The following PAX5 variants were observed in gnomAD, a reference collection of about 807,000 sequenced individuals.
PAX5 encodes paired box protein Pax-5.
A neutral mutation model predicts 43.7 loss-of-function variants in PAX5; 9 were observed. The observed-to-expected ratio is 0.21, with a 90% CI of 0.12 to 0.36. PAX5 has a LOEUF of 0.36. Ranked by LOEUF, PAX5 falls within the 10% of genes least tolerant of loss-of-function variation. The pLI, the probability that PAX5 is intolerant of heterozygous loss-of-function variation, is 1.00. For missense variants in PAX5, 383 were observed against 532.7 expected (o/e 0.72, Z 2.77); for synonymous variants, 228 against 214.3 (o/e 1.06, Z -0.56).
At chr9:36,901,808 C>T (rs1418879888) in intron 7 of PAX5, among the ~76,000 whole-genome samples, 3 of 152,138 alleles carry the variant, frequency 2.0e-5, no homozygotes, top group Non-Finnish European at 2.9e-5. Context: ...TTCTGTAAAA[C>T]GAGGGTCAAG....
At chr9:37,000,247 CT>C (rs1837733449) in intron 5 of PAX5, among the ~76,000 whole-genome samples, 1 of 152,194 alleles carries the variant, frequency 6.6e-6, no homozygotes. Flanking sequence ...CTGCCCACCC[CT>C]GGGATCAAAC....
At chr9:37,021,801 C>T (rs1839879593) in intron 1 of PAX5, among the ~76,000 whole-genome samples, 1 of 152,216 alleles carries the variant, frequency 6.6e-6, no homozygotes, top group Non-Finnish European at 1.5e-5. Context: ...GTTAATTAGT[C>T]ACTCACTGAC....
intron 8 of PAX5, among the ~76,000 whole-genome samples, chr9:36,878,886 G>A (rs1021005819): frequency 1.3e-5 from 2 of 152,224 alleles, no homozygotes; most frequent in Non-Finnish European, 2.9e-5. Flanking sequence ...GCCAGGCATG[G>A]CACTGAATAA....
At chr9:36,986,103 G>A (rs1836384701) in intron 5 of PAX5, among the ~76,000 whole-genome samples, 1 of 151,888 alleles carries the variant, frequency 6.6e-6, no homozygotes, top group Non-Finnish European at 1.5e-5. Flanking sequence ...CCTCGCCCCG[G>A]CGCGCATCAT....
chr9:36,901,938 C>T lies in PAX5; in HGVS notation c.911-19833G>A, dbSNP rs61691437. 3.6e-4 allele frequency among the ~76,000 whole-genome samples: 55 copies of T among 152,290 alleles called. 1 individual carries two copies. The East Asian group carries it at 0.01, about 29-fold the overall frequency. ...AGAAGGCATTAGCATACTTTCAGGGCTTGTCTCACCAAACAATTTCCTTGC... is the reference window on the plus strand; with the variant it reads ...AGAAGGCATTAGCATACTTTCAGGGTTTGTCTCACCAAACAATTTCCTTGC... On this transcript the variant is annotated intron_variant, in intron 7 of 9. Coordinates refer to ENST00000358127, the MANE Select transcript of PAX5 (RefSeq NM_016734.3).
chr9:36,896,891 C>G (rs1827915159), intron 7 of PAX5, among the ~76,000 whole-genome samples: 1 of 152,232 alleles, frequency 6.6e-6, no homozygotes, highest in South Asian at 2.1e-4. Flanking sequence ...TTCAATTTGT[C>G]CATAGATGGG....
chr9:36,910,965 T>G (rs974807571), intron 7 of PAX5, among the ~76,000 whole-genome samples: 1 of 152,194 alleles, frequency 6.6e-6, no homozygotes, highest in Non-Finnish European at 1.5e-5. Flanking sequence ...CATTTGTACA[T>G]TTAAAAGGCT....
chr9:36,955,803 ACCC>A (rs113088511), intron 6 of PAX5, among the ~76,000 whole-genome samples: 3 of 119,064 alleles, frequency 2.5e-5, no homozygotes, highest in African/African-American at 1.0e-4. Flanking sequence ...ATATATATAT[ACCC>A]ACACACACAT....
intron 6 of PAX5, among the ~76,000 whole-genome samples, chr9:36,966,198 G>A (rs1834415244): frequency 6.6e-6 from 1 of 152,178 alleles, no homozygotes; most frequent in Admixed American, 6.5e-5. Flanking sequence ...CCATCACCCT[G>A]ACTGACAAGA....
At position 36,966,557 on chromosome 9, in the gene PAX5, G is replaced by T. The variant is rs1288922202; in HGVS notation, c.772C>A (p.Pro258Thr). Reference protein sequence around the residue: ...DIFTTTEPIKPEQTTEYSAMA... With the variant: ...DIFTTTEPIKTEQTTEYSAMA... Reference sequence around the variant, plus strand: ...TGCATCACGAGGCGTACCTGCTCGGGCTTGATGGGCTCTGTGGTGGTGAAG... The same window carrying T: ...TGCATCACGAGGCGTACCTGCTCGGTCTTGATGGGCTCTGTGGTGGTGAAG... The change falls in exon 6 of 10, where the codon CCC becomes ACC. Residue 258 changes from proline (P) to threonine (T), a missense_variant. By Grantham distance (38) the Pro-to-Thr change is conservative. This residue lies in a region of PAX5 where 291 missense variants were observed against 342.5 expected (regional missense o/e 0.85). Transcript: ENST00000358127. 1 of 1,613,946 alleles carries T rather than the reference G, an allele frequency of 6.2e-7. No individual in the cohort carries two copies. Among genetic ancestry groups the T allele is most frequent in the Admixed American group, 1.7e-5 (1 of 60,016 alleles).
At position 36,962,646 on chromosome 9, in the gene PAX5, G is replaced by A. The variant is rs142668317; in HGVS notation, c.780+3903C>T. Among the ~76,000 whole-genome samples, 3 of 152,248 alleles carry A rather than the reference G, an allele frequency of 2.0e-5. No individual in the cohort carries two copies. The East Asian group carries it at 5.8e-4, about 29-fold the overall frequency. On this transcript the variant is annotated intron_variant, in intron 6 of 9. Transcript: ENST00000358127. ...TCATGATCACTTCTACCACAGATAT[G>A]GAAACTGAGGCCCAGAAAAATAGTG...
chr9:36,942,477 G>A (rs977735222), intron 6 of PAX5, among the ~76,000 whole-genome samples: 8 of 152,216 alleles, frequency 5.3e-5, no homozygotes, highest in African/African-American at 1.9e-4. Context: ...TGTGAAAGCA[G>A]TCAGGTAATT....
Position 36,943,255 on chromosome 9 carries a change from G to A in PAX5, c.781-19771C>T, listed in dbSNP as rs547156066. ...TGGGTGCAGGCCAAGGGGGAGCCCA[G>A]GCAAAGATGGGGAGTCTGGCATCCC... On this transcript the variant is annotated intron_variant, in intron 6 of 9. Coordinates refer to ENST00000358127, the MANE Select transcript of PAX5 (RefSeq NM_016734.3). Among the ~76,000 whole-genome samples, 12 of 152,298 alleles carry A rather than the reference G, an allele frequency of 7.9e-5. No individual in the cohort carries two copies. The East Asian group carries it at 2.3e-3, about 29-fold the overall frequency.
intron 7 of PAX5, among the ~76,000 whole-genome samples, chr9:36,891,442 G>A (rs1329069468): frequency 3.3e-5 from 5 of 152,232 alleles, no homozygotes; most frequent in African/African-American, 7.2e-5. Flanking sequence ...AGGCTTATTC[G>A]TTCCAGCTGG....
chr9:36,961,873 CT>C (rs755111817), intron 6 of PAX5, among the ~76,000 whole-genome samples: 9 of 152,238 alleles, frequency 5.9e-5, no homozygotes, highest in Non-Finnish European at 1.0e-4. Flanking sequence ...CTTTTCTTTT[CT>C]TCCTCCAACG....
At chr9:36,968,259 G>C (rs1445929724) in intron 5 of PAX5, among the ~76,000 whole-genome samples, 2 of 152,204 alleles carry the variant, frequency 1.3e-5, no homozygotes. Context: ...CCCTAGACTA[G>C]ACTTCATCCG....
intron 5 of PAX5, among the ~76,000 whole-genome samples, chr9:36,974,766 C>T (rs1015885869): frequency 2.6e-5 from 4 of 152,120 alleles, no homozygotes; most frequent in African/African-American, 9.7e-5. Flanking sequence ...ATGCTAGCTG[C>T]TGTCATCCTC....
intron 6 of PAX5, among the ~76,000 whole-genome samples, chr9:36,926,717 G>A (rs1377504139): frequency 3.9e-5 from 6 of 152,146 alleles, no homozygotes; most frequent in African/African-American, 9.7e-5. Flanking sequence ...TCCCAGTTCC[G>A]CCCTCCTCTC....
chr9:36,840,618 C>CTA lies in PAX5; in HGVS notation c.1116_1117dup (p.Ser373IlefsTer31). 6.3e-7 allele frequency: 1 copy of CTA among 1,576,828 alleles called. No individual in the cohort carries two copies. The highest frequency in any genetic ancestry group is 8.6e-7 in the Non-Finnish European group (1 of 1,161,934). On this transcript the variant is annotated frameshift_variant, in exon 10 of 10. Transcript: ENST00000358127. LOFTEE classifies it high-confidence loss of function. The stretch of plus-strand genomic sequence containing the variant: ...TGGGGCGGCTCCTCGGGCGGCAGCG[C>CTA]TATAATAGTAGGGGGAGCCTGGAAG...
Sources: allele counts gnomAD v4.1 joint callset (sites outside exome capture counted in the v4.1 genomes callset), GRCh38; gene constraint gnomAD v4.1.1; regional missense constraint gnomAD v4.1.1; transcripts MANE v1.5; gene names NCBI Gene and HGNC (gene_info 2026-07-23, HGNC 2026-07-21).